Variants in CELA1 observed in about 807,000 individuals in gnomAD.
The protein encoded by CELA1 is chymotrypsin like elastase 1, also known as chymotrypsin-like elastase family member 1.
Under a neutral mutation model 34.8 loss-of-function variants are expected in CELA1, and 28 were observed. The observed-to-expected ratio is 0.80, with a 90% confidence interval of 0.60 to 1.10. CELA1 has a LOEUF of 1.10. Among genes scored for constraint, CELA1 ranks in the 50% least tolerant of loss-of-function variants. CELA1 has a pLI of 0.00. For missense variants in CELA1, 288 were observed against 327.5 expected (o/e 0.88, Z 0.93); for synonymous variants, 140 against 129.8 (o/e 1.08, Z -0.53).
intron 7 of CELA1, 107 bp from the exon 8 acceptor site, chr12:51,328,701 G>T: frequency 7.8e-7 from 1 of 1,278,994 alleles, no homozygotes; most frequent in Non-Finnish European, 1.1e-6. Context: ...TTTATGGGAA[G>T]TTGACAGGGT....
Position 51,340,085 on chromosome 12 carries a change from C to G in CELA1, c.464-80G>C. ...ACCTTCCACCCCTGCCACACCTTCCCAAACTCTCGTGAAAGCTGAGCTCAG... is the reference window on the plus strand; with the variant it reads ...ACCTTCCACCCCTGCCACACCTTCCGAAACTCTCGTGAAAGCTGAGCTCAG... On this transcript the variant is annotated intron_variant, in intron 5 of 7. Coordinates refer to ENST00000293636, the MANE Select transcript of CELA1 (RefSeq NM_001971.6). The G allele has an allele frequency of 2.2e-6, 3 of 1,335,230 alleles. No homozygotes were observed. The South Asian group carries it at 4.2e-5, about 19-fold the overall frequency. 82.7% of individuals were successfully genotyped at this position (1,335,230 alleles called of 1,614,324 possible).
At chr12:51,330,063 G>C (rs150879133) in intron 6 of CELA1, among the ~76,000 whole-genome samples, 75 of 152,014 alleles carry the variant, frequency 4.9e-4, no homozygotes, top group African/African-American at 1.7e-3. Flanking sequence ...TTGTATTTTG[G>C]TTTCATAATT....
intron 6 of CELA1, among the ~76,000 whole-genome samples, chr12:51,334,417 A>G (rs908850105): frequency 5.9e-5 from 9 of 152,276 alleles, no homozygotes; most frequent in Middle Eastern, 3.4e-3. Context: ...GTACTCATAC[A>G]CACAAAAAAC....
rs1043670934 is a variant in CELA1, at chr12:51,340,957, G to A, written c.463+287C>T. ...AGGAAGTGGAGGTTGCAGCCTGGGT[G>A]ACAGAGCAAAACCCTGTCTCTAAAT... On this transcript the variant is annotated intron_variant, in intron 5 of 7. Transcript: ENST00000293636. Among the ~76,000 whole-genome samples, 10 of 152,234 alleles carry A rather than the reference G, an allele frequency of 6.6e-5. No individual in the cohort carries two copies. In the East Asian group the frequency reaches 1.7e-3, roughly 26 times the overall value.
intron 6 of CELA1, among the ~76,000 whole-genome samples, chr12:51,337,061 C>T (rs1329507358): frequency 1.3e-5 from 2 of 152,180 alleles, no homozygotes; most frequent in Non-Finnish European, 2.9e-5. Context: ...ATTTGAAGCC[C>T]TGAGTTGTAC....
intron 6 of CELA1, among the ~76,000 whole-genome samples, chr12:51,330,565 T>C (rs1381585453): frequency 6.6e-6 from 1 of 152,226 alleles, no homozygotes; most frequent in East Asian, 1.9e-4. Flanking sequence ...GAATCCACTA[T>C]TGATGAACCC....
In CELA1 at chr12:51,343,224, C is replaced by T. The variant is rs199683517; in HGVS notation, c.201-524G>A. On this transcript the variant is annotated intron_variant, in intron 3 of 7. Coordinates refer to ENST00000293636, the MANE Select transcript of CELA1 (RefSeq NM_001971.6). ...ACTTTTAGGCTAGTTGTTCTTAAAG[C>T]GTGGTTCCTGGGCCGCAGCATGAGC... Among the ~76,000 whole-genome samples, 8 of 152,156 alleles carry T rather than the reference C, an allele frequency of 5.3e-5. No homozygotes were observed. In the East Asian group the frequency reaches 7.7e-4, roughly 15 times the overall value.
intron 5 of CELA1, among the ~76,000 whole-genome samples, chr12:51,340,618 C>T (rs2137481597): frequency 6.6e-6 from 1 of 152,150 alleles, no homozygotes; most frequent in South Asian, 2.1e-4. Flanking sequence ...GATCCTCCTT[C>T]CTCAGCCTCC....
At chr12:51,330,886 C>T (rs111730839) in intron 6 of CELA1, among the ~76,000 whole-genome samples, 2 of 145,944 alleles carry the variant, frequency 1.4e-5, no homozygotes, top group African/African-American at 2.5e-5. Flanking sequence ...AGGAGAATGG[C>T]GTGAACCCGG....
Position 51,343,736 on chromosome 12 carries a change from G to T in CELA1, c.200+17C>A, listed in dbSNP as rs17860301. ...CCCTTCCAGGGGCCCAGGAAAGCTT[G>T]TCTTTGTTTTTCTTACTAATCCACG... is the stretch of plus-strand genomic sequence containing the variant. On this transcript the variant is annotated intron_variant, in intron 3 of 7. Transcript: ENST00000293636. 385,782 of 1,478,894 alleles carry T rather than the reference G, an allele frequency of 0.26. 54,435 individuals are homozygous for T. The highest frequency in any genetic ancestry group is 0.3 in the Non-Finnish European group (312,555 of 1,058,324). The allele number at this position is 1,478,894 out of a possible 1,614,324, so 91.6% of individuals were successfully genotyped here.
chr12:51,337,371 C>A (rs986219000), intron 6 of CELA1, among the ~76,000 whole-genome samples: 2 of 151,790 alleles, frequency 1.3e-5, no homozygotes, highest in African/African-American at 4.8e-5. Flanking sequence ...CTTGTCACTA[C>A]CAAAAACAAA....
intron 2 of CELA1, 60 bp from the exon 3 acceptor site, chr12:51,343,913 G>C: frequency 1.0e-6 from 1 of 952,606 alleles, no homozygotes. Context: ...TTTTGCCCCA[G>C]GTCGGTTGCA....
chr12:51,336,581 C>T (rs1217078612), intron 6 of CELA1, among the ~76,000 whole-genome samples: 6 of 152,278 alleles, frequency 3.9e-5, no homozygotes, highest in Middle Eastern at 3.4e-3. Context: ...GAGCTGAGAT[C>T]GCGCTACTGC....
intron 5 of CELA1, 82 bp downstream of exon 5, chr12:51,341,162 G>A (rs1223549933): frequency 1.3e-6 from 2 of 1,481,902 alleles, no homozygotes; most frequent in Admixed American, 3.4e-5. Context: ...TAAGCACCTA[G>A]GACCACAGAA....
chr12:51,341,489 CGACTTTGAAGAAG>C, intron 4 of CELA1, 109 bp from the exon 5 acceptor site: 1 of 1,271,688 alleles, frequency 7.9e-7, no homozygotes. Flanking sequence ...TGGAAAGTGA[CGACTTTGAAGAAG>C]GACGGGGCTC....
rs1158290851 is a variant in CELA1, at chr12:51,345,857, G to A, written c.37C>T (p.Pro13Ser). The change falls in exon 2 of 8, where the codon CCG becomes TCG. Residue 13 changes from proline (P) to serine (S), a missense_variant. Physicochemically the swap from Pro to Ser is moderately conservative, Grantham distance 74. Coordinates refer to ENST00000293636, the MANE Select transcript of CELA1 (RefSeq NM_001971.6). ...VLYGHSTQDLPETNARVVGGT... is the reference protein window; with the variant it reads ...VLYGHSTQDLSETNARVVGGT... Reference sequence around the variant, plus strand: ...CCGACTACGCGGGCATTGGTTTCCGGAAGGTCCTGGGTGCTGTGTCCTTTG... The same window carrying A: ...CCGACTACGCGGGCATTGGTTTCCGAAAGGTCCTGGGTGCTGTGTCCTTTG... 1 of 1,559,062 alleles carries A rather than the reference G, an allele frequency of 6.4e-7. No homozygotes were observed. The highest frequency in any genetic ancestry group is 1.2e-5 in the South Asian group (1 of 84,530).
chr12:51,342,728 C>T (rs1946545025), intron 3 of CELA1, 28 bp from the exon 4 acceptor site: 1 of 1,612,730 alleles, frequency 6.2e-7, no homozygotes, highest in African/African-American at 1.3e-5. Flanking sequence ...ATCCCTGAGT[C>T]ATCCAGGGGA....
At chr12:51,331,205 G>GTGAAACCCC (rs1946468038) in intron 6 of CELA1, among the ~76,000 whole-genome samples, 1 of 151,456 alleles carries the variant, frequency 6.6e-6, no homozygotes, top group African/African-American at 2.4e-5. Flanking sequence ...GGCCAACACA[G>GTGAAACCCC]TGAAACCCCT....
intron 6 of CELA1, among the ~76,000 whole-genome samples, chr12:51,336,694 GAC>G (rs1466994319): frequency 6.6e-6 from 1 of 152,160 alleles, no homozygotes; most frequent in Non-Finnish European, 1.5e-5. Flanking sequence ...TGGGATCTCA[GAC>G]AAAGGTTGTC....
Sources: allele counts gnomAD v4.1 joint callset (sites outside exome capture counted in the v4.1 genomes callset), GRCh38; gene constraint gnomAD v4.1.1; transcripts MANE v1.5; gene names NCBI Gene and HGNC (gene_info 2026-07-23, HGNC 2026-07-21).